CLVS1: variants seen among roughly 807,000 people sequenced by gnomAD.
The protein encoded by CLVS1 is clavesin-1.
CLVS1 carries 10 observed loss-of-function variants against 33.1 expected under a neutral mutation model. The observed-to-expected ratio is 0.30, with a 90% CI of 0.19 to 0.51. The LOEUF is 0.51. CLVS1 is among the 20% of genes least tolerant of loss of function. The pLI is 0.97. For synonymous variants in CLVS1, 163 were observed against 166.1 expected (o/e 0.98, Z 0.14); for missense variants, 343 against 433.4 (o/e 0.79, Z 1.85).
the CLVS1 span, among the ~76,000 whole-genome samples, chr8:60,986,664 T>C: frequency 2.6e-5 from 4 of 152,272 alleles, no homozygotes; most frequent in Non-Finnish European, 4.4e-5. Context: ...CCAAATTTGT[T>C]GTTAACATGG....
intron 1 of CLVS1, among the ~76,000 whole-genome samples, chr8:61,063,257 A>AAGAGAGAG (rs1804614016): frequency 2.3e-5 from 2 of 85,444 alleles, no homozygotes; most frequent in African/African-American, 1.0e-4. Flanking sequence ...GAAAGTGAGG[A>AAGAGAGAG]AGCGAGAGAG....
chr8:61,056,105 C>T (rs897906142), upstream of CLVS1, among the ~76,000 whole-genome samples: 3 of 152,162 alleles, frequency 2.0e-5, no homozygotes, highest in Admixed American at 2.0e-4. Flanking sequence ...ACCATGGTCA[C>T]ACCTCCCTGT....
chr8:61,087,460 C>A (rs1340692589), intron 1 of CLVS1, among the ~76,000 whole-genome samples: 1 of 152,132 alleles, frequency 6.6e-6, no homozygotes, highest in Non-Finnish European at 1.5e-5. Flanking sequence ...CTGTTTCTTT[C>A]CTCTCCCCCC....
Position 61,134,794 on chromosome 8 carries a change from G to T in CLVS1, c.-152+2934G>T, listed in dbSNP as rs1362844813. Among the ~76,000 whole-genome samples the T allele has an allele frequency of 2.0e-5, 3 of 152,130 alleles. No individual in the cohort carries two copies. In the East Asian group the frequency reaches 5.8e-4, roughly 29 times the overall value. On this transcript the variant is annotated intron_variant, in intron 2 of 2. Coordinates refer to the CLVS1 transcript ENST00000522621. ...ATCTCCCCATCTCAGGCTAGTTGATGCACAGCCTTAATTTCATTAGCTACC... is the reference window on the plus strand; with the variant it reads ...ATCTCCCCATCTCAGGCTAGTTGATTCACAGCCTTAATTTCATTAGCTACC...
At chr8:61,043,870 G>A in the CLVS1 span, among the ~76,000 whole-genome samples, 1 of 152,152 alleles carries the variant, frequency 6.6e-6, no homozygotes, top group African/African-American at 2.4e-5. Context: ...CCAGGGGTCT[G>A]GGGCATGTCA....
chr8:61,212,077 GAGATAATAA>G (rs1423248704), intron 2 of CLVS1, among the ~76,000 whole-genome samples: 21 of 152,200 alleles, frequency 1.4e-4, no homozygotes, highest in African/African-American at 4.6e-4. Flanking sequence ...CCCAGAACAG[GAGATAATAA>G]ATTCGTGTTG....
intron 2 of CLVS1, among the ~76,000 whole-genome samples, chr8:61,175,691 C>A (rs757631848): frequency 3.9e-5 from 6 of 152,112 alleles, no homozygotes; most frequent in Non-Finnish European, 8.8e-5. Flanking sequence ...CCAAGGAATG[C>A]CAAGGATTGC....
intron 2 of CLVS1, among the ~76,000 whole-genome samples, chr8:61,215,404 A>G (rs1808061894): frequency 6.6e-6 from 1 of 152,178 alleles, no homozygotes; most frequent in African/African-American, 2.4e-5. Flanking sequence ...GAGGTGAGTA[A>G]TTGTACTAAA....
At chr8:61,289,252 G>A (rs1018425249) in intron 1 of CLVS1, among the ~76,000 whole-genome samples, 5 of 152,170 alleles carry the variant, frequency 3.3e-5, no homozygotes, top group African/African-American at 1.2e-4. Flanking sequence ...AATTGAAAAG[G>A]CATTTTATGT....
At chr8:61,385,728 A>G (rs1297211089) in intron 3 of CLVS1, among the ~76,000 whole-genome samples, 2 of 152,182 alleles carry the variant, frequency 1.3e-5, no homozygotes, top group African/African-American at 4.8e-5. Context: ...GGATTTTTTC[A>G]TAATGTAACA....
intron 3 of CLVS1, among the ~76,000 whole-genome samples, chr8:61,408,499 A>C (rs1282940754): frequency 2.0e-5 from 3 of 152,208 alleles, no homozygotes; most frequent in Non-Finnish European, 4.4e-5. Flanking sequence ...TTTTCTCCAG[A>C]CCTGGAAATC....
intron 2 of CLVS1, among the ~76,000 whole-genome samples, chr8:61,262,083 A>G (rs1304195140): frequency 6.6e-6 from 1 of 151,894 alleles, no homozygotes; most frequent in East Asian, 1.9e-4. Context: ...TGTTGCAATC[A>G]TAGCTCACTG....
intron 5 of CLVS1, among the ~76,000 whole-genome samples, chr8:61,461,477 T>C (rs183002570): frequency 5.3e-5 from 8 of 152,318 alleles, no homozygotes; most frequent in Admixed American, 2.0e-4. Context: ...TATAACAAGT[T>C]AGCACAAGTT....
intron 3 of CLVS1, among the ~76,000 whole-genome samples, chr8:61,439,506 G>T (rs1405263907): frequency 1.3e-5 from 2 of 152,096 alleles, no homozygotes; most frequent in South Asian, 2.1e-4. Context: ...CTCTAGCAGT[G>T]GTTTACCTCC....
intron 2 of CLVS1, among the ~76,000 whole-genome samples, chr8:61,373,109 T>A (rs1813504314): frequency 6.6e-6 from 1 of 152,150 alleles, no homozygotes. Flanking sequence ...CATTTTAAAT[T>A]TTAAAAAGCT....
chr8:61,194,474 A>G (rs1337654722), intron 2 of CLVS1, among the ~76,000 whole-genome samples: 5 of 152,032 alleles, frequency 3.3e-5, no homozygotes, highest in African/African-American at 1.2e-4. Context: ...GTGCATTACT[A>G]GAAATGAATT....
At chr8:61,211,409 C>T (rs1380036369) in intron 2 of CLVS1, among the ~76,000 whole-genome samples, 1 of 150,268 alleles carries the variant, frequency 6.7e-6, no homozygotes, top group Non-Finnish European at 1.5e-5. Flanking sequence ...CCTCCTCCTC[C>T]TCCCCCTACT....
At chr8:61,479,411 C>T (rs901695592) in intron 5 of CLVS1, among the ~76,000 whole-genome samples, 17 of 152,274 alleles carry the variant, frequency 1.1e-4, no homozygotes, top group African/African-American at 3.4e-4. Flanking sequence ...ACATAGTTCT[C>T]GTGCCTTGGT....
intron 1 of CLVS1, among the ~76,000 whole-genome samples, chr8:61,105,270 A>C (rs1585613406): frequency 1.3e-5 from 2 of 152,374 alleles, no homozygotes; most frequent in East Asian, 3.9e-4. Context: ...TTAGAAGTAC[A>C]TATAAAACTA....
Sources: allele counts gnomAD v4.1 joint callset (sites outside exome capture counted in the v4.1 genomes callset), GRCh38; gene constraint gnomAD v4.1.1; transcripts MANE v1.5; gene names NCBI Gene and HGNC (gene_info 2026-07-23, HGNC 2026-07-21).